Variants in PLCH1 observed in about 807,000 individuals in gnomAD.
PLCH1 encodes 1-phosphatidylinositol 4,5-bisphosphate phosphodiesterase eta-1.
A neutral mutation model predicts 126.7 loss-of-function variants in PLCH1; 60 were observed. That is an observed-to-expected ratio of 0.47 (90% CI 0.38 to 0.59). The LOEUF (loss-of-function observed/expected upper bound fraction) is 0.59, where lower values mean the gene tolerates loss of function less well. PLCH1 is among the 20% of genes least tolerant of loss of function. The probability of loss-of-function intolerance (pLI) is 0.00; values close to 1 mark genes in which losing one functional copy is unlikely to be tolerated. For synonymous variants in PLCH1, 719 were observed against 734.9 expected (o/e 0.98, Z 0.35); for missense variants, 1,723 against 2,040.0 (o/e 0.84, Z 2.99).
intron 2 of PLCH1, among the ~76,000 whole-genome samples, chr3:155,673,660 T>G (rs532065174): frequency 6.6e-6 from 1 of 152,228 alleles, no homozygotes; most frequent in African/African-American, 2.4e-5. Context: ...TTCAAGAAAA[T>G]TATGCAGTCT....
intron 1 of PLCH1, among the ~76,000 whole-genome samples, chr3:155,735,193 T>C (rs1430748102): frequency 2.6e-5 from 4 of 152,164 alleles, no homozygotes; most frequent in Non-Finnish European, 5.9e-5. Context: ...GAATGGTAGT[T>C]ACCAGGGACT....
chr3:155,729,924 C>A (rs1404270862), intron 1 of PLCH1, among the ~76,000 whole-genome samples: 264 of 116,116 alleles, frequency 2.3e-3, no homozygotes, highest in African/African-American at 2.5e-3. Context: ...GACTCCATCT[C>A]AAAAAAAAAA....
In PLCH1 at chr3:155,559,124, C is replaced by T. The variant is rs559468782; in HGVS notation, c.1070-4928G>A. The stretch of plus-strand genomic sequence containing the variant: ...TCATGTCATTCAATGCTTGCTCCTC[C>T]AAAAACACACAGACTTTCTGGAGAA... On this transcript the variant is annotated intron_variant, in intron 8 of 22. Transcript: ENST00000460012. Among the ~76,000 whole-genome samples, 3 of 152,264 alleles carry T rather than the reference C, an allele frequency of 2.0e-5. No homozygotes were observed. The East Asian group carries it at 5.8e-4, about 29-fold the overall frequency.
chr3:155,470,540 G>C (rs997297280), intron 21 of PLCH1, among the ~76,000 whole-genome samples: 1 of 152,128 alleles, frequency 6.6e-6, no homozygotes, highest in Non-Finnish European at 1.5e-5. Flanking sequence ...AATCTACCAA[G>C]GCAGGCCAAC....
At chr3:155,600,012 T>C (rs1009857071) in intron 2 of PLCH1, among the ~76,000 whole-genome samples, 4 of 152,238 alleles carry the variant, frequency 2.6e-5, no homozygotes, top group Non-Finnish European at 5.9e-5. Flanking sequence ...ATTGTTTATG[T>C]AGCTGCTTTA....
intron 8 of PLCH1, among the ~76,000 whole-genome samples, chr3:155,564,676 T>C (rs1162533419): frequency 6.6e-6 from 1 of 152,242 alleles, no homozygotes; most frequent in Admixed American, 6.5e-5. Context: ...ATTTTCATCA[T>C]AATTTCTCAG....
At chr3:155,641,336 A>G (rs994238804) in intron 2 of PLCH1, among the ~76,000 whole-genome samples, 2 of 151,992 alleles carry the variant, frequency 1.3e-5, no homozygotes, top group Non-Finnish European at 2.9e-5. Flanking sequence ...TTAGATTTAA[A>G]TGGTCATAAG....
rs138319759 is a variant in PLCH1, at chr3:155,514,754, G to T, written c.1601C>A (p.Thr534Lys). The T allele has an allele frequency of 8.7e-6, 14 of 1,601,154 alleles. No individual in the cohort carries two copies. Among genetic ancestry groups the T allele is most frequent in the Non-Finnish European group, 1.1e-5 (13 of 1,172,078 alleles). ...CAGGTGTGCATTTAAGCCTTCATGC[G>T]TGGCCTTCAGTAGTGCCCGCACTGT... ...SFTVRALLKA[T>K]HEGLNAHLKQ... Residue 534 changes from threonine (T) to lysine (K), a missense_variant, in exon 12 of 23, where the codon ACG (threonine) becomes AAG (lysine). Transcript: ENST00000460012.
chr3:155,626,040 T>C (rs1295201992), intron 2 of PLCH1, among the ~76,000 whole-genome samples: 2 of 152,164 alleles, frequency 1.3e-5, no homozygotes, highest in Non-Finnish European at 2.9e-5. Context: ...TGGAATACTA[T>C]GCAGCCATAA....
At chr3:155,454,737 T>C (rs971063995) in intron 21 of PLCH1, among the ~76,000 whole-genome samples, 15 of 152,230 alleles carry the variant, frequency 9.9e-5, no homozygotes, top group African/African-American at 3.4e-4. Flanking sequence ...GAAGGAATCA[T>C]TGGTTCAAGA....
intron 10 of PLCH1, among the ~76,000 whole-genome samples, chr3:155,540,151 T>C (rs1318854605): frequency 1.3e-5 from 2 of 152,212 alleles, no homozygotes; most frequent in Non-Finnish European, 2.9e-5. Context: ...AAGGACACCA[T>C]ATTCAACAAA....
chr3:155,477,614 AC>A (rs1477801032), downstream of PLCH1, among the ~76,000 whole-genome samples: 16 of 152,220 alleles, frequency 1.1e-4, no homozygotes, highest in African/African-American at 3.6e-4. Flanking sequence ...TCAAAAGAAG[AC>A]ATACAAATGG....
chr3:155,458,587 A>G (rs114205387), intron 21 of PLCH1, among the ~76,000 whole-genome samples: 4,758 of 151,262 alleles, frequency 0.031, 125 homozygotes, highest in Middle Eastern at 0.13. Context: ...AGAAAGGAAG[A>G]AAGAAAGAAA....
At chr3:155,505,088 C>A (rs903057143) in intron 12 of PLCH1, among the ~76,000 whole-genome samples, 12 of 152,194 alleles carry the variant, frequency 7.9e-5, no homozygotes, top group Non-Finnish European at 1.6e-4. Flanking sequence ...ATCACATTGA[C>A]TAAACAGTGC....
Position 155,494,533 on chromosome 3 carries a change from CG to C in PLCH1, c.1895-17del, listed in dbSNP as rs773171064. The C allele has an allele frequency of 2.0e-6, 3 of 1,486,624 alleles. No individual in the cohort carries two copies. The African/African-American group carries it at 8.2e-5, about 41-fold the overall frequency. The allele number at this position is 1,486,624 out of a possible 1,614,324, so 92.1% of individuals were successfully genotyped here. ...CCTGTGGTTCCTGGCAGTTTTTAAT[CG>C]AGAAAAAAGGAAGTGAGAACTACAG... On this transcript the variant is annotated splice_polypyrimidine_tract_variant and intron_variant, in intron 15 of 22. Coordinates refer to ENST00000460012, the MANE Select transcript of PLCH1 (RefSeq NM_014996.4).
intron 2 of PLCH1, among the ~76,000 whole-genome samples, chr3:155,623,547 T>C (rs1736811423): frequency 6.6e-6 from 1 of 151,942 alleles, no homozygotes; most frequent in African/African-American, 2.4e-5. Context: ...AAGAATCAAA[T>C]AGACGTAATA....
intron 2 of PLCH1, among the ~76,000 whole-genome samples, chr3:155,666,279 T>C (rs1050531951): frequency 3.3e-5 from 5 of 152,230 alleles, no homozygotes; most frequent in African/African-American, 4.8e-5. Context: ...CCCACACTTT[T>C]GGTGACATTG....
intron 2 of PLCH1, among the ~76,000 whole-genome samples, chr3:155,679,201 G>T (rs912989539): frequency 2.6e-5 from 4 of 152,268 alleles, no homozygotes; most frequent in Admixed American, 2.6e-4. Flanking sequence ...GTATAAGTAT[G>T]TCCCATGATA....
intron 21 of PLCH1, among the ~76,000 whole-genome samples, chr3:155,455,920 G>A (rs73011527): frequency 0.033 from 5,012 of 152,238 alleles, 277 homozygotes; most frequent in African/African-American, 0.11. Flanking sequence ...CTAATAATGA[G>A]GGTGACAAGG....
Sources: gnomAD v4.1 joint callset for allele counts (sites outside exome capture counted in the v4.1 genomes callset) on GRCh38, gnomAD v4.1.1 for gene constraint, MANE v1.5 for transcripts, NCBI Gene and HGNC (gene_info 2026-07-23, HGNC 2026-07-21) for gene names.